Variants in KAT6A observed in about 807,000 individuals in gnomAD.
The protein encoded by KAT6A is histone acetyltransferase KAT6A.
KAT6A carries 9 observed loss-of-function variants against 198.4 expected under a neutral mutation model. The ratio of observed to expected loss-of-function variants is 0.05; its 90% CI spans 0.03 to 0.08. KAT6A has a LOEUF of 0.08. KAT6A is among the 10% of genes least tolerant of loss of function. The probability of loss-of-function intolerance (pLI) is 1.00; values close to 1 mark genes in which losing one functional copy is unlikely to be tolerated. For synonymous variants in KAT6A, 890 were observed against 883.0 expected, an observed-to-expected ratio of 1.01 and a Z score of -0.14; for missense variants, 2,077 against 2,509.9, an observed-to-expected ratio of 0.83 and a Z score of 3.69.
intron 10 of KAT6A, 62 bp downstream of exon 10, chr8:41,949,160 G>GCACAATATAGGGCA: frequency 2.7e-6 from 3 of 1,098,450 alleles, no homozygotes; most frequent in Non-Finnish European, 3.8e-6. Context: ...CACAATAGAT[G>GCACAATATAGGGCA]CAATATAGGT....
rs184101923 is a variant in KAT6A, at chr8:41,981,195, G to A, written c.826-268C>T. ...TAGACGGGCATGGTGGCATGTGCCT[G>A]TAATCCCAGCTACTCAGAAGGCTGA... On this transcript the variant is annotated intron_variant, in intron 4 of 16. Coordinates refer to ENST00000265713, the MANE Select transcript of KAT6A (RefSeq NM_006766.5). Among the ~76,000 whole-genome samples, 55 of 152,312 alleles carry A rather than the reference G, an allele frequency of 3.6e-4. 1 individual carries two copies. The highest frequency in any genetic ancestry group is 2.7e-3 in the Admixed American group (42 of 15,308).
intron 2 of KAT6A, among the ~76,000 whole-genome samples, chr8:42,004,038 A>C (rs1433228349): frequency 6.6e-6 from 1 of 152,236 alleles, no homozygotes; most frequent in African/African-American, 2.4e-5. Context: ...CAGCTAGTGA[A>C]ATCACCTCAT....
intron 9 of KAT6A, among the ~76,000 whole-genome samples, chr8:41,954,356 G>A (rs1822825308): frequency 6.6e-6 from 1 of 152,134 alleles, no homozygotes; most frequent in Admixed American, 6.5e-5. Context: ...TTTTGGCCAG[G>A]CAATGTTACT....
rs1777300660 is a variant in KAT6A, at chr8:42,049,213, T to C, written c.-236A>G. On this transcript the variant is annotated 5_prime_UTR_variant, in exon 2 of 17. Coordinates refer to ENST00000265713, the MANE Select transcript of KAT6A (RefSeq NM_006766.5). ...TCCAACTTCCCAATGAATTTCTCAA[T>C]AGCACCACACATGGGTCTCGTCATA... 6.0e-6 allele frequency: 3 copies of C among 501,300 alleles called. No individual in the cohort carries two copies. The highest frequency in any genetic ancestry group is 1.9e-5 in the African/African-American group (1 of 52,056). 31.1% of individuals were successfully genotyped at this position (501,300 alleles called of 1,614,324 possible).
At chr8:42,044,174 C>T (rs925548593) in intron 2 of KAT6A, among the ~76,000 whole-genome samples, 4 of 148,552 alleles carry the variant, frequency 2.7e-5, no homozygotes, top group South Asian at 4.2e-4. Flanking sequence ...AATCTAGGCT[C>T]GCTACAACCT....
At chr8:41,978,876 A>G in intron 5 of KAT6A, 99 bp from the exon 6 acceptor site, 13 of 1,105,274 alleles carry the variant, frequency 1.2e-5, no homozygotes, top group Non-Finnish European at 1.7e-5. Flanking sequence ...TTTCAGGTAA[A>G]AGACTGTCAT....
intron 2 of KAT6A, among the ~76,000 whole-genome samples, chr8:42,035,372 A>G (rs2150924230): frequency 6.6e-6 from 1 of 152,378 alleles, no homozygotes; most frequent in South Asian, 2.1e-4. Context: ...ACAATGGAAT[A>G]TACAAGTCCA....
intron 2 of KAT6A, among the ~76,000 whole-genome samples, chr8:42,047,203 T>C (rs1027029679): frequency 1.3e-5 from 2 of 152,196 alleles, no homozygotes; most frequent in African/African-American, 4.8e-5. Context: ...CAAGGAACTA[T>C]AATTCAGAGC....
At chr8:41,950,052 C>CA (rs1421937204) in intron 9 of KAT6A, among the ~76,000 whole-genome samples, 1 of 152,136 alleles carries the variant, frequency 6.6e-6, no homozygotes, top group East Asian at 1.9e-4. Flanking sequence ...CACACCAATA[C>CA]AACTTGTAAT....
At chr8:42,015,732 A>G (rs979157954) in intron 2 of KAT6A, among the ~76,000 whole-genome samples, 2 of 152,192 alleles carry the variant, frequency 1.3e-5, no homozygotes, top group Non-Finnish European at 2.9e-5. Flanking sequence ...TTGATTTCAT[A>G]ATTTTGTAGT....
intron 2 of KAT6A, among the ~76,000 whole-genome samples, chr8:41,988,887 G>A (rs1824763367): frequency 1.3e-5 from 2 of 152,138 alleles, no homozygotes; most frequent in South Asian, 4.1e-4. Flanking sequence ...GGATGGCAAT[G>A]GAAAACCCTC....
intron 2 of KAT6A, among the ~76,000 whole-genome samples, chr8:42,029,389 C>T (rs1428696708): frequency 6.6e-6 from 1 of 152,130 alleles, no homozygotes; most frequent in East Asian, 1.9e-4. Context: ...CTCTATTCTT[C>T]TGGAATACCC....
intron 8 of KAT6A, among the ~76,000 whole-genome samples, chr8:41,960,865 C>T (rs1302779793): frequency 6.6e-6 from 1 of 152,154 alleles, no homozygotes; most frequent in Admixed American, 6.5e-5. Context: ...TGTAATTCCA[C>T]CCTTTGCATA....
Position 41,932,498 on chromosome 8 carries a change from C to T in KAT6A, c.5722G>A (p.Ala1908Thr), listed in dbSNP as rs1359574944. The T allele has an allele frequency of 8.1e-6, 13 of 1,614,192 alleles. No individual in the cohort carries two copies. Among genetic ancestry groups the T allele is most frequent in the East Asian group, 4.5e-5 (2 of 44,890 alleles). Residue 1908 changes from alanine to threonine, a missense_variant, in exon 17 of 17, where the codon GCC becomes ACC. Coordinates refer to ENST00000265713, the MANE Select transcript of KAT6A (RefSeq NM_006766.5). Reference protein sequence around the residue: ...NMGVNLMPTPAYNVNSMNMNT... With the variant: ...NMGVNLMPTPTYNVNSMNMNT... ...ATATTCATGGAATTGACATTATAGG[C>T]GGGAGTAGGCATCAGATTAACCCCC...
intron 8 of KAT6A, among the ~76,000 whole-genome samples, chr8:41,971,833 C>T (rs763035874): frequency 2.6e-5 from 4 of 151,714 alleles, no homozygotes; most frequent in Non-Finnish European, 5.9e-5. Context: ...GTAGCAAATA[C>T]AGACATATTC....
intron 2 of KAT6A, among the ~76,000 whole-genome samples, chr8:42,022,152 A>C (rs1305809156): frequency 6.6e-6 from 1 of 152,172 alleles, no homozygotes; most frequent in Non-Finnish European, 1.5e-5. Context: ...CTAGCATATA[A>C]TATGTATTCA....
chr8:41,941,887 A>C (rs1822158940), intron 14 of KAT6A, among the ~76,000 whole-genome samples: 1 of 152,236 alleles, frequency 6.6e-6, no homozygotes, highest in African/African-American at 2.4e-5. Flanking sequence ...AATTTCTCAG[A>C]AATAAAAATT....
intron 3 of KAT6A, among the ~76,000 whole-genome samples, chr8:41,987,107 C>T (rs1824651807): frequency 6.6e-6 from 1 of 152,212 alleles, no homozygotes. Flanking sequence ...TGTATTTTTA[C>T]TGTACCTTTT....
chr8:41,940,313 A>T (rs1822046095), intron 15 of KAT6A, among the ~76,000 whole-genome samples: 1 of 152,236 alleles, frequency 6.6e-6, no homozygotes, highest in Non-Finnish European at 1.5e-5. Flanking sequence ...AGACCACGTT[A>T]AACCACTGGA....
Sources: gnomAD v4.1 joint callset for allele counts (sites outside exome capture counted in the v4.1 genomes callset) on GRCh38, gnomAD v4.1.1 for gene constraint, MANE v1.5 for transcripts, NCBI Gene and HGNC (gene_info 2026-07-23, HGNC 2026-07-21) for gene names.